The following KCNH7 variants were observed in gnomAD, a reference collection of about 807,000 sequenced individuals.
KCNH7 encodes the protein potassium voltage-gated channel subfamily H member 7.
A neutral mutation model predicts 120.8 loss-of-function variants in KCNH7; 49 were observed. The observed-to-expected ratio is 0.41, with a 90% confidence interval of 0.32 to 0.51. The LOEUF (loss-of-function observed/expected upper bound fraction) is 0.51, where lower values mean the gene tolerates loss of function less well. Ranked by LOEUF, KCNH7 falls within the 20% of genes least tolerant of loss-of-function variation. KCNH7 has a pLI of 0.38. For synonymous variants in KCNH7, 547 were observed against 516.1 expected (o/e 1.06, Z -0.81); for missense variants, 1,097 against 1,446.6 (o/e 0.76, Z 3.92).
intron 9 of KCNH7, among the ~76,000 whole-genome samples, chr2:162,422,192 T>C (rs1687727475): frequency 6.6e-6 from 1 of 152,146 alleles, no homozygotes; most frequent in Non-Finnish European, 1.5e-5. Context: ...ATCAAATACA[T>C]CACACACAGC....
intron 9 of KCNH7, among the ~76,000 whole-genome samples, chr2:162,414,372 T>G (rs1687479679): frequency 6.6e-6 from 1 of 151,766 alleles, no homozygotes; most frequent in Non-Finnish European, 1.5e-5. Flanking sequence ...TGCCCAGCAA[T>G]GAAGCCATTA....
At chr2:162,578,766 G>GAA (rs1244072477) in intron 2 of KCNH7, among the ~76,000 whole-genome samples, 1 of 152,032 alleles carries the variant, frequency 6.6e-6, no homozygotes, top group Non-Finnish European at 1.5e-5. Context: ...CCTGAGTGTA[G>GAA]AAGTGGGACC....
At chr2:162,722,019 T>C (rs1687337857) in intron 2 of KCNH7, among the ~76,000 whole-genome samples, 1 of 152,116 alleles carries the variant, frequency 6.6e-6, no homozygotes, top group African/African-American at 2.4e-5. Flanking sequence ...AATCATGACA[T>C]ACTTCTTTAT....
chr2:162,828,584 CA>C (rs1269176335), intron 2 of KCNH7, among the ~76,000 whole-genome samples: 1 of 150,992 alleles, frequency 6.6e-6, no homozygotes, highest in Non-Finnish European at 1.5e-5. Flanking sequence ...CTAAAGATCT[CA>C]AAAAAAGAGA....
chr2:162,477,876 C>T (rs542394895), intron 6 of KCNH7, among the ~76,000 whole-genome samples: 3 of 152,008 alleles, frequency 2.0e-5, no homozygotes, highest in Non-Finnish European at 4.4e-5. Context: ...ACCCACCCAA[C>T]TTTTATTGAG....
chr2:162,553,192 T>A (rs1164433029), intron 2 of KCNH7, among the ~76,000 whole-genome samples: 1 of 152,212 alleles, frequency 6.6e-6, no homozygotes, highest in East Asian at 1.9e-4. Flanking sequence ...AATTGAGTTA[T>A]GTTGACTGTA....
intron 6 of KCNH7, among the ~76,000 whole-genome samples, chr2:162,486,171 C>T (rs1049671781): frequency 6.6e-6 from 1 of 152,126 alleles, no homozygotes; most frequent in Non-Finnish European, 1.5e-5. Context: ...TTCTGGTTCT[C>T]CTCACACCAT....
chr2:162,779,152 A>T (rs1367978920), intron 2 of KCNH7, among the ~76,000 whole-genome samples: 1 of 151,858 alleles, frequency 6.6e-6, no homozygotes, highest in East Asian at 1.9e-4. Context: ...CACCTTAAGA[A>T]AAACGACAGC....
intron 3 of KCNH7, among the ~76,000 whole-genome samples, chr2:162,523,630 C>G (rs1691604354): frequency 6.6e-6 from 1 of 151,784 alleles, no homozygotes; most frequent in Admixed American, 6.6e-5. Context: ...ATGACACCCA[C>G]TTTTGACTTC....
chr2:162,714,749 G>A (rs12053231), intron 2 of KCNH7, among the ~76,000 whole-genome samples: 3,433 of 152,194 alleles, frequency 0.023, 74 homozygotes, highest in East Asian at 0.12. Flanking sequence ...GCTGTGTTCC[G>A]GTGAAACTTT....
intron 2 of KCNH7, among the ~76,000 whole-genome samples, chr2:162,537,901 C>A (rs1332377330): frequency 6.6e-6 from 1 of 152,080 alleles, no homozygotes; most frequent in African/African-American, 2.4e-5. Context: ...AAGTAGACTT[C>A]TTTTAAATCA....
chr2:162,752,711 C>A (rs1574342293), intron 2 of KCNH7, among the ~76,000 whole-genome samples: 1 of 151,450 alleles, frequency 6.6e-6, no homozygotes, highest in African/African-American at 2.4e-5. Context: ...CCAGCCTGGA[C>A]AACATGGTGA....
At chr2:162,457,717 C>T (rs1214885022) in intron 6 of KCNH7, among the ~76,000 whole-genome samples, 1 of 152,248 alleles carries the variant, frequency 6.6e-6, no homozygotes, top group East Asian at 1.9e-4. Flanking sequence ...GTTGAAGCTG[C>T]TCATCAGTTA....
chr2:162,664,890 A>G (rs910719437), intron 2 of KCNH7, among the ~76,000 whole-genome samples: 16 of 152,136 alleles, frequency 1.1e-4, no homozygotes, highest in Non-Finnish European at 2.1e-4. Context: ...CCAGCCCTTC[A>G]CAAAGGACAT....
intron 2 of KCNH7, among the ~76,000 whole-genome samples, chr2:162,650,904 G>A (rs1008815025): frequency 2.6e-5 from 4 of 152,128 alleles, no homozygotes; most frequent in East Asian, 1.9e-4. Context: ...AGGTAGGTAC[G>A]TATAACTAAA....
At chr2:162,439,443 C>G (rs1283880107) in intron 7 of KCNH7, among the ~76,000 whole-genome samples, 1 of 152,062 alleles carries the variant, frequency 6.6e-6, no homozygotes. Context: ...AGTCCTGCCA[C>G]TAACTATAGC....
chr2:162,674,311 C>T (rs147193226), intron 2 of KCNH7, among the ~76,000 whole-genome samples: 8 of 151,492 alleles, frequency 5.3e-5, no homozygotes, highest in Admixed American at 2.0e-4. Flanking sequence ...GAAACCTTTA[C>T]GGGAAAAGAT....
chr2:162,689,775 C>T (rs1686035886), intron 2 of KCNH7, among the ~76,000 whole-genome samples: 2 of 151,872 alleles, frequency 1.3e-5, no homozygotes, highest in Admixed American at 6.6e-5. Context: ...GTTTGCTTTC[C>T]CAGCAGAAAA....
At chr2:162,522,423 A>T (rs1040764648) in intron 3 of KCNH7, among the ~76,000 whole-genome samples, 1 of 151,894 alleles carries the variant, frequency 6.6e-6, no homozygotes, top group Non-Finnish European at 1.5e-5. Flanking sequence ...TTTCTGCATC[A>T]CTAGGTTAAT....
Sources: allele counts gnomAD v4.1 joint callset (sites outside exome capture counted in the v4.1 genomes callset), GRCh38; gene constraint gnomAD v4.1.1; transcripts MANE v1.5; gene names NCBI Gene and HGNC (gene_info 2026-07-23, HGNC 2026-07-21).